The following SGIP1 variants were observed in gnomAD, a reference collection of about 807,000 sequenced individuals.
SGIP1 encodes SH3GL interacting endocytic adaptor 1.
A neutral mutation model predicts 107.5 loss-of-function variants in SGIP1; 38 were observed. That is an observed-to-expected ratio of 0.35 (90% CI 0.27 to 0.46). SGIP1 has a LOEUF of 0.46. Ranked by LOEUF, SGIP1 falls within the 20% of genes least tolerant of loss-of-function variation. The pLI is 1.00. For synonymous variants in SGIP1, 365 were observed against 366.1 expected, an observed-to-expected ratio of 1.00 and a Z score of 0.03; for missense variants, 929 against 1,019.5, an observed-to-expected ratio of 0.91 and a Z score of 1.21.
rs75408192 is a variant in SGIP1, at chr1:66,534,443, C to T, written c.10+75C>T. ...GAACAGCATTAAAGAATATGTGCAG[C>T]CAGTGTATGTGGCGGTTCTAGAACC... On this transcript the variant is annotated intron_variant, in intron 1 of 24. Coordinates refer to ENST00000371037, the MANE Select transcript of SGIP1 (RefSeq NM_032291.4). 2.0e-3 allele frequency: 3,056 copies of T among 1,541,940 alleles called. 52 individuals are homozygous for T. In the African/African-American group the frequency reaches 0.036, roughly 18 times the overall value.
intron 20 of SGIP1, among the ~76,000 whole-genome samples, chr1:66,733,051 T>C (rs2094088482): frequency 6.6e-6 from 1 of 152,212 alleles, no homozygotes; most frequent in African/African-American, 2.4e-5. Flanking sequence ...GTGGTCTGTA[T>C]ACAGGCCTCT....
intron 18 of SGIP1, among the ~76,000 whole-genome samples, chr1:66,707,072 C>T (rs775142756): frequency 6.6e-6 from 1 of 152,036 alleles, no homozygotes; most frequent in African/African-American, 2.4e-5. Flanking sequence ...GAAACCCTGT[C>T]TGCATGTATC....
At chr1:66,686,292 C>T (rs948466936) in intron 15 of SGIP1, among the ~76,000 whole-genome samples, 1 of 152,098 alleles carries the variant, frequency 6.6e-6, no homozygotes, top group Non-Finnish European at 1.5e-5. Context: ...ACATGGTCTT[C>T]GGGGGTTGCC....
intron 18 of SGIP1, among the ~76,000 whole-genome samples, chr1:66,699,170 T>C (rs934651345): frequency 1.3e-5 from 2 of 152,082 alleles, no homozygotes; most frequent in African/African-American, 4.8e-5. Context: ...TTAGGAGCCA[T>C]CACTTCCATA....
At chr1:66,670,893 G>A (rs2083619144) in intron 9 of SGIP1, 102 bp from the exon 10 acceptor site, 5 of 523,946 alleles carry the variant, frequency 9.5e-6, no homozygotes, top group Non-Finnish European at 1.6e-5. Flanking sequence ...TTCCCTATCT[G>A]CATTTATTTG....
intron 5 of SGIP1, 25 bp from the exon 6 acceptor site, chr1:66,642,785 C>T (rs371366693): frequency 2.6e-5 from 41 of 1,592,112 alleles, no homozygotes; most frequent in Non-Finnish European, 3.3e-5. Context: ...ATAATAATTA[C>T]TTCATGTGCA....
At chr1:66,567,817 T>C (rs2059864322) in intron 1 of SGIP1, among the ~76,000 whole-genome samples, 1 of 152,128 alleles carries the variant, frequency 6.6e-6, no homozygotes, top group African/African-American at 2.4e-5. Context: ...TGGCTTTAGA[T>C]GTGTGGTGTT....
intron 1 of SGIP1, among the ~76,000 whole-genome samples, chr1:66,617,813 C>T (rs985696434): frequency 6.6e-6 from 1 of 151,990 alleles, no homozygotes; most frequent in East Asian, 1.9e-4. Context: ...GCCTAACTTG[C>T]CTAAAAATAT....
chr1:66,721,882 T>C (rs1057212730), intron 19 of SGIP1, among the ~76,000 whole-genome samples: 25 of 152,122 alleles, frequency 1.6e-4, no homozygotes, highest in Non-Finnish European at 1.3e-4. Context: ...TCTTCCGCTT[T>C]TGCACCCCTA....
At chr1:66,633,424 A>G (rs935598835) in intron 3 of SGIP1, among the ~76,000 whole-genome samples, 2 of 152,168 alleles carry the variant, frequency 1.3e-5, no homozygotes, top group Non-Finnish European at 2.9e-5. Context: ...TCATTATGGG[A>G]GAATGTTTTT....
chr1:66,626,186 G>A (rs1403725171), intron 2 of SGIP1: 1 of 210,874 alleles, frequency 4.7e-6, no homozygotes, highest in Non-Finnish European at 8.8e-6. Flanking sequence ...AGCAGTCTCA[G>A]GAGGCAGAAA....
chr1:66,577,523 T>C (rs2061232991), intron 1 of SGIP1, among the ~76,000 whole-genome samples: 1 of 152,180 alleles, frequency 6.6e-6, no homozygotes, highest in Non-Finnish European at 1.5e-5. Context: ...CTCATGTAAA[T>C]GAAGGACAAA....
Position 66,739,477 on chromosome 1 carries a change from T to A in SGIP1, c.2174T>A (p.Phe725Tyr). ...GCTGTGGCCCTCAACAATGTGCAGT[T>A]CCTGGTCCCCATCGACGGAGGAGTC... ...TTAVALNNVQ[F>Y]LVPIDGGVTK... Residue 725 changes from phenylalanine (F) to tyrosine (Y), a missense_variant, in exon 22 of 25, where the codon TTC becomes TAC. By Grantham distance (22) the Phe-to-Tyr change is conservative (BLOSUM62 3). This residue lies in a region of SGIP1 where 341 missense variants were observed against 430.9 expected (regional missense o/e 0.79). Transcript: ENST00000371037. The A allele has an allele frequency of 6.2e-7, 1 of 1,614,138 alleles. No homozygotes were observed.
intron 17 of SGIP1, among the ~76,000 whole-genome samples, chr1:66,693,287 A>AAATAAAT (rs1557652733): frequency 1.0e-4 from 7 of 67,842 alleles, no homozygotes; most frequent in Admixed American, 9.3e-4. Context: ...AATAAATAAA[A>AAATAAAT]AACAGTAATT....
At chr1:66,600,407 C>T (rs542561358) in intron 1 of SGIP1, among the ~76,000 whole-genome samples, 7 of 152,112 alleles carry the variant, frequency 4.6e-5, no homozygotes, top group African/African-American at 1.7e-4. Context: ...AAGTCACACT[C>T]GTGGTAGTTG....
At chr1:66,600,612 C>T (rs1407808272) in intron 1 of SGIP1, among the ~76,000 whole-genome samples, 1 of 152,094 alleles carries the variant, frequency 6.6e-6, no homozygotes, top group Non-Finnish European at 1.5e-5. Flanking sequence ...TGCTCAGAAA[C>T]GAGAGGCTGA....
chr1:66,614,054 T>G (rs759407626), intron 1 of SGIP1, among the ~76,000 whole-genome samples: 4 of 152,176 alleles, frequency 2.6e-5, no homozygotes, highest in Non-Finnish European at 4.4e-5. Flanking sequence ...AAAATACCAG[T>G]GATGAGAAAA....
rs142840014 is a variant in SGIP1 at position 66,682,650 on chromosome 1, A to G, written c.1315+281A>G. Among the ~76,000 whole-genome samples the G allele has an allele frequency of 9.6e-4, 146 of 152,188 alleles. 1 individual carries two copies. Among genetic ancestry groups the G allele is most frequent in the African/African-American group, 3.0e-3 (124 of 41,518 alleles). ...TCTTGATTTCTAAAACAAAGCTGTC[A>G]TGCCATTGTTTGGAATTCAGGAAAG... On this transcript the variant is annotated intron_variant, in intron 15 of 24. Coordinates refer to ENST00000371037, the MANE Select transcript of SGIP1 (RefSeq NM_032291.4).
At chr1:66,621,678 A>G (rs752651675) in intron 1 of SGIP1, among the ~76,000 whole-genome samples, 1 of 152,262 alleles carries the variant, frequency 6.6e-6, no homozygotes, top group African/African-American at 2.4e-5. Context: ...TGGAAATTTC[A>G]TATAAATGAA....
Sources: allele counts gnomAD v4.1 joint callset (sites outside exome capture counted in the v4.1 genomes callset), GRCh38; gene constraint gnomAD v4.1.1; regional missense constraint gnomAD v4.1.1; transcripts MANE v1.5; gene names NCBI Gene and HGNC (gene_info 2026-07-23, HGNC 2026-07-21).